Variants in SGCZ observed in about 807,000 individuals in gnomAD.
SGCZ encodes sarcoglycan zeta.
SGCZ carries 40 observed loss-of-function variants against 41.3 expected under a neutral mutation model. The observed-to-expected ratio is 0.97, with a 90% CI of 0.75 to 1.26. The LOEUF is 1.26. Among genes scored for constraint, SGCZ ranks in the 50% most tolerant of loss-of-function variants. The pLI is 0.00. For missense variants in SGCZ, 552 were observed against 369.8 expected, an observed-to-expected ratio of 1.49 and a Z score of -4.04; for synonymous variants, 206 against 137.5, an observed-to-expected ratio of 1.50 and a Z score of -3.49.
chr8:14,356,441 A>T (rs1170285770), intron 2 of SGCZ, among the ~76,000 whole-genome samples: 1 of 152,128 alleles, frequency 6.6e-6, no homozygotes, highest in Non-Finnish European at 1.5e-5. Flanking sequence ...GAACAAATGG[A>T]AATACTGTAT....
chr8:15,126,521 T>C (rs1807693610), intron 1 of SGCZ, among the ~76,000 whole-genome samples: 1 of 152,104 alleles, frequency 6.6e-6, no homozygotes, highest in South Asian at 2.1e-4. Context: ...TCTTGTGTGT[T>C]GGAGTAGACA....
intron 1 of SGCZ, among the ~76,000 whole-genome samples, chr8:14,891,560 G>C (rs1292826450): frequency 1.3e-5 from 2 of 152,240 alleles, no homozygotes; most frequent in Non-Finnish European, 2.9e-5. Flanking sequence ...TCTACTCCTA[G>C]TGAAGATGAT....
chr8:14,761,047 T>C (rs1378095297), intron 1 of SGCZ, among the ~76,000 whole-genome samples: 3 of 152,182 alleles, frequency 2.0e-5, no homozygotes, highest in Admixed American at 2.0e-4. Context: ...CAATCATGAA[T>C]ATAAAGCTAT....
At chr8:14,130,587 TA>T (rs1201413223) in intron 5 of SGCZ, among the ~76,000 whole-genome samples, 1 of 152,152 alleles carries the variant, frequency 6.6e-6, no homozygotes, top group Non-Finnish European at 1.5e-5. Context: ...ACACAGGGGC[TA>T]AAAAGAAATT....
intron 2 of SGCZ, among the ~76,000 whole-genome samples, chr8:14,548,387 C>T (rs777907215): frequency 6.6e-6 from 1 of 152,010 alleles, no homozygotes; most frequent in Non-Finnish European, 1.5e-5. Context: ...CTGTTTTATT[C>T]CCTGGCTATA....
chr8:14,863,118 C>G (rs991671061), intron 1 of SGCZ, among the ~76,000 whole-genome samples: 3 of 152,078 alleles, frequency 2.0e-5, no homozygotes, highest in African/African-American at 7.2e-5. Flanking sequence ...ACTGACTTGC[C>G]TTAGGTCACA....
chr8:15,013,632 C>G (rs1228326007), intron 1 of SGCZ, among the ~76,000 whole-genome samples: 3 of 152,120 alleles, frequency 2.0e-5, no homozygotes, highest in Non-Finnish European at 4.4e-5. Context: ...ACAGACAGAC[C>G]TGGTTTCAAA....
intron 1 of SGCZ, among the ~76,000 whole-genome samples, chr8:14,995,013 G>T (rs1189003187): frequency 6.6e-6 from 1 of 152,158 alleles, no homozygotes; most frequent in Non-Finnish European, 1.5e-5. Context: ...CAAAGAAAAA[G>T]GCATGCTGTG....
chr8:14,877,607 G>A (rs1308074201), intron 1 of SGCZ, among the ~76,000 whole-genome samples: 1 of 151,946 alleles, frequency 6.6e-6, no homozygotes, highest in Admixed American at 6.6e-5. Flanking sequence ...AGATATTAAA[G>A]GCATAAAAAA....
intron 2 of SGCZ, among the ~76,000 whole-genome samples, chr8:14,533,299 T>G (rs979420802): frequency 3.3e-5 from 5 of 152,020 alleles, no homozygotes; most frequent in Non-Finnish European, 7.4e-5. Context: ...TTTGTAAAAT[T>G]TAAGAATTTT....
At chr8:14,232,842 C>T (rs1014817678) in intron 4 of SGCZ, among the ~76,000 whole-genome samples, 1 of 151,968 alleles carries the variant, frequency 6.6e-6, no homozygotes, top group African/African-American at 2.4e-5. Context: ...TGATGAAATA[C>T]AAGATCCTAT....
chr8:14,347,788 C>T (rs1173677158), intron 2 of SGCZ, among the ~76,000 whole-genome samples: 1 of 152,058 alleles, frequency 6.6e-6, no homozygotes, highest in Non-Finnish European at 1.5e-5. Context: ...TCTATTTACA[C>T]TGTCTGTGTA....
At chr8:14,632,518 A>C (rs1260027807) in intron 1 of SGCZ, among the ~76,000 whole-genome samples, 1 of 152,148 alleles carries the variant, frequency 6.6e-6, no homozygotes, top group East Asian at 1.9e-4. Flanking sequence ...ATTTTGAAGA[A>C]GTTGTGAAAT....
chr8:14,436,525 C>T (rs995933398), intron 2 of SGCZ, among the ~76,000 whole-genome samples: 1 of 152,014 alleles, frequency 6.6e-6, no homozygotes, highest in African/African-American at 2.4e-5. Context: ...GGTAGTAAGA[C>T]CATATTTATC....
chr8:14,556,264 G>C (rs1305570788), intron 1 of SGCZ, among the ~76,000 whole-genome samples: 1 of 151,402 alleles, frequency 6.6e-6, no homozygotes, highest in Admixed American at 6.6e-5. Context: ...TTCTCAGATT[G>C]CTTTTATACT....
intron 2 of SGCZ, among the ~76,000 whole-genome samples, chr8:14,513,176 G>C (rs1467066490): frequency 6.6e-6 from 1 of 151,964 alleles, no homozygotes; most frequent in Non-Finnish European, 1.5e-5. Context: ...CCAAGTAGCT[G>C]AGTCTATAAG....
chr8:14,828,597 A>T (rs553671941), intron 1 of SGCZ, among the ~76,000 whole-genome samples: 1 of 152,324 alleles, frequency 6.6e-6, no homozygotes, highest in African/African-American at 2.4e-5. Context: ...CTGAAGACAA[A>T]GCACAATCAA....
In SGCZ at chr8:14,777,225, C is replaced by T. The variant is rs1272882652; in HGVS notation, c.40-222299G>A. On this transcript the variant is annotated intron_variant, in intron 1 of 7. Coordinates refer to ENST00000382080, the MANE Select transcript of SGCZ (RefSeq NM_139167.4). Reference sequence around the variant, plus strand: ...CATTTCACTAAAACTTTCATCATGACGACTTGAATTAGAACAGTAAAATAA... The same window carrying T: ...CATTTCACTAAAACTTTCATCATGATGACTTGAATTAGAACAGTAAAATAA... Among the ~76,000 whole-genome samples the T allele has an allele frequency of 5.3e-5, 8 of 152,070 alleles. No homozygotes were observed. The South Asian group carries it at 6.2e-4, about 12-fold the overall frequency.
chr8:14,322,772 T>C (rs545376420), intron 3 of SGCZ, among the ~76,000 whole-genome samples: 1 of 152,264 alleles, frequency 6.6e-6, no homozygotes, highest in East Asian at 1.9e-4. Flanking sequence ...TTTCCATGTA[T>C]AAGTTTTCAT....
Sources: gnomAD v4.1 joint callset for allele counts (sites outside exome capture counted in the v4.1 genomes callset) on GRCh38, gnomAD v4.1.1 for gene constraint, MANE v1.5 for transcripts, NCBI Gene and HGNC (gene_info 2026-07-23, HGNC 2026-07-21) for gene names.